CDH13: variants seen among roughly 807,000 people sequenced by gnomAD.
The protein encoded by CDH13 is cadherin 13.
A neutral mutation model predicts 63.8 loss-of-function variants in CDH13; 24 were observed. The ratio of observed to expected loss-of-function variants is 0.38; its 90% CI spans 0.27 to 0.53. The LOEUF (loss-of-function observed/expected upper bound fraction) is 0.53, where lower values mean the gene tolerates loss of function less well. CDH13 is among the 20% of genes least tolerant of loss of function. The pLI, the probability that CDH13 is intolerant of heterozygous loss-of-function variation, is 0.85. For synonymous variants in CDH13, 503 were observed against 355.3 expected (o/e 1.42, Z -4.67); for missense variants, 1,049 against 903.1 (o/e 1.16, Z -2.07).
At chr16:83,403,965 A>C (rs1466534158) in intron 6 of CDH13, among the ~76,000 whole-genome samples, 2 of 152,234 alleles carry the variant, frequency 1.3e-5, no homozygotes, top group Non-Finnish European at 2.9e-5. Flanking sequence ...TATGTGTAAT[A>C]AATCAACTTG....
intron 4 of CDH13, among the ~76,000 whole-genome samples, chr16:83,189,794 G>A (rs1168211717): frequency 6.6e-6 from 1 of 152,160 alleles, no homozygotes; most frequent in Non-Finnish European, 1.5e-5. Flanking sequence ...TTCTAACCTT[G>A]AATTGTAGTT....
intron 8 of CDH13, among the ~76,000 whole-genome samples, chr16:83,663,276 G>A (rs1191223571): frequency 6.6e-6 from 1 of 152,116 alleles, no homozygotes; most frequent in Non-Finnish European, 1.5e-5. Context: ...GCAGGGACTG[G>A]GGGTAGGTTT....
intron 10 of CDH13, among the ~76,000 whole-genome samples, chr16:83,743,832 G>A (rs979941586): frequency 1.6e-5 from 2 of 124,142 alleles, no homozygotes; most frequent in Admixed American, 1.1e-4. Flanking sequence ...AACCTTTACC[G>A]GGCACCGTCT....
In CDH13 at chr16:83,030,640, T is replaced by TAAAAAAAA. The variant is rs35207887; in HGVS notation, c.158-1354_158-1347dup. 1.9e-3 allele frequency among the ~76,000 whole-genome samples: 178 copies of TAAAAAAAA among 92,884 alleles called. 7 individuals carry two copies. The highest frequency in any genetic ancestry group is 6.1e-3 in the African/African-American group (136 of 22,124). 60.9% of individuals were successfully genotyped at this position (92,884 alleles called of 152,430 possible). On this transcript the variant is annotated intron_variant, in intron 2 of 13. Transcript: ENST00000567109. ...TCTGGATGACAGAGCAAGACTCTGTTAAAAAAAAAAAAAAAAAAAAAAAGC... is the reference window on the plus strand; with the variant it reads ...TCTGGATGACAGAGCAAGACTCTGTTAAAAAAAAAAAAAAAAAAAAAAAAAAAAAAAGC...
At chr16:83,094,998 G>A (rs2034124104) in intron 3 of CDH13, among the ~76,000 whole-genome samples, 1 of 152,150 alleles carries the variant, frequency 6.6e-6, no homozygotes, top group African/African-American at 2.4e-5. Context: ...AATCATCAGA[G>A]CAGTATCTGC....
At chr16:83,232,224 T>TC (rs2040018542) in intron 5 of CDH13, among the ~76,000 whole-genome samples, 2 of 120,396 alleles carry the variant, frequency 1.7e-5, no homozygotes, top group African/African-American at 2.9e-5. Context: ...TTTTTTTTTT[T>TC]TTTAAAAAAA....
At chr16:83,473,322 C>T (rs1470787293) in intron 6 of CDH13, among the ~76,000 whole-genome samples, 1 of 152,216 alleles carries the variant, frequency 6.6e-6, no homozygotes, top group African/African-American at 2.4e-5. Context: ...AGTTGGAGAA[C>T]ACATGTTTGC....
At chr16:83,085,405 G>C (rs1009421214) in intron 3 of CDH13, among the ~76,000 whole-genome samples, 38 of 152,232 alleles carry the variant, frequency 2.5e-4, no homozygotes, top group Admixed American at 2.1e-3. Flanking sequence ...TGGGGACACA[G>C]TCAAACCATA....
Position 82,948,095 on chromosome 16 carries a change from G to A in CDH13, c.158-83915G>A, listed in dbSNP as rs187720462. On this transcript the variant is annotated intron_variant, in intron 2 of 13. Transcript: ENST00000567109. ...ACATTGAAAGATATTGTCATACAAT[G>A]CTTAGTAAAGCCGGTAACTCTAACG... Among the ~76,000 whole-genome samples, 370 of 152,238 alleles carry A rather than the reference G, an allele frequency of 2.4e-3. 3 individuals carry two copies. Among genetic ancestry groups the A allele is most frequent in the African/African-American group, 8.0e-3 (331 of 41,548 alleles).
At chr16:83,033,238 C>G (rs1037017864) in intron 3 of CDH13, among the ~76,000 whole-genome samples, 2 of 150,980 alleles carry the variant, frequency 1.3e-5, no homozygotes, top group African/African-American at 2.4e-5. Flanking sequence ...TCCCATTGAC[C>G]TTCAGTGACT....
chr16:83,173,578 C>G (rs2038009051), intron 4 of CDH13, among the ~76,000 whole-genome samples: 1 of 152,112 alleles, frequency 6.6e-6, no homozygotes, highest in Non-Finnish European at 1.5e-5. Flanking sequence ...CACATCCCAA[C>G]TATTGCACTG....
At chr16:83,738,128 G>A (rs777341811) in intron 10 of CDH13, among the ~76,000 whole-genome samples, 6 of 152,194 alleles carry the variant, frequency 3.9e-5, no homozygotes, top group Non-Finnish European at 5.9e-5. Context: ...GGAGCCTGCT[G>A]GCATGGCCCT....
At chr16:83,244,767 A>C (rs1050338986) in intron 5 of CDH13, among the ~76,000 whole-genome samples, 2 of 152,178 alleles carry the variant, frequency 1.3e-5, no homozygotes, top group African/African-American at 4.8e-5. Flanking sequence ...GTCACACGGG[A>C]CACACTTAAT....
At chr16:83,786,263 C>T (rs1915871150) in intron 13 of CDH13, among the ~76,000 whole-genome samples, 1 of 152,206 alleles carries the variant, frequency 6.6e-6, no homozygotes, top group South Asian at 2.1e-4. Context: ...CTGAGCTTCT[C>T]ATTGGCTTGC....
intron 1 of CDH13, among the ~76,000 whole-genome samples, chr16:82,689,282 G>C (rs989633677): frequency 6.6e-6 from 1 of 151,868 alleles, no homozygotes; most frequent in Admixed American, 6.6e-5. Flanking sequence ...CAGTGGGAAT[G>C]GCTTTCTCAG....
intron 5 of CDH13, among the ~76,000 whole-genome samples, chr16:83,320,089 G>T (rs1258022838): frequency 1.3e-5 from 2 of 152,186 alleles, no homozygotes; most frequent in East Asian, 3.8e-4. Context: ...ACTCAGGCTG[G>T]AGTGCAGTGT....
At chr16:83,319,533 C>A (rs546246993) in intron 5 of CDH13, among the ~76,000 whole-genome samples, 1 of 152,126 alleles carries the variant, frequency 6.6e-6, no homozygotes, top group African/African-American at 2.4e-5. Context: ...CAGTAAATCA[C>A]GACTTTACGA....
intron 4 of CDH13, among the ~76,000 whole-genome samples, chr16:83,158,638 C>T (rs1450864337): frequency 6.6e-6 from 1 of 152,236 alleles, no homozygotes; most frequent in Non-Finnish European, 1.5e-5. Flanking sequence ...AGGCCACAGG[C>T]CGGGGACTGC....
chr16:83,784,786 C>A (rs1276770585), intron 13 of CDH13, among the ~76,000 whole-genome samples: 2 of 152,084 alleles, frequency 1.3e-5, no homozygotes, highest in African/African-American at 2.4e-5. Flanking sequence ...ATCATCATCA[C>A]CATCATCTCC....
Sources: allele counts gnomAD v4.1 joint callset (sites outside exome capture counted in the v4.1 genomes callset), GRCh38; gene constraint gnomAD v4.1.1; transcripts MANE v1.5; gene names NCBI Gene and HGNC (gene_info 2026-07-23, HGNC 2026-07-21).